RFX3: variants seen among roughly 807,000 people sequenced by gnomAD.
The protein encoded by RFX3 is regulatory factor X3, also known as transcription factor RFX3.
In RFX3, 14 loss-of-function variants were observed where a neutral mutation model predicts 98.6. That is an observed-to-expected ratio of 0.14 (90% CI 0.09 to 0.22). The LOEUF is 0.22. RFX3 is among the 10% of genes least tolerant of loss of function. The probability of loss-of-function intolerance (pLI) is 1.00; values close to 1 mark genes in which losing one functional copy is unlikely to be tolerated. For synonymous variants in RFX3, 383 were observed against 328.4 expected (o/e 1.17, Z -1.80); for missense variants, 639 against 926.9 (o/e 0.69, Z 4.03).
At chr9:3,498,333 G>A (rs972575135) in intron 1 of RFX3, among the ~76,000 whole-genome samples, 10 of 151,962 alleles carry the variant, frequency 6.6e-5, no homozygotes, top group Non-Finnish European at 1.3e-4. Flanking sequence ...TGTTGTTCAT[G>A]TACAGTTCAA....
At chr9:3,405,442 A>G (rs1479962971) in intron 1 of RFX3, among the ~76,000 whole-genome samples, 2 of 152,202 alleles carry the variant, frequency 1.3e-5, no homozygotes, top group Non-Finnish European at 2.9e-5. Context: ...TATCATCATT[A>G]CAAGTCCACC....
intron 1 of RFX3, among the ~76,000 whole-genome samples, chr9:3,418,627 G>C (rs1282909453): frequency 6.6e-6 from 1 of 152,130 alleles, no homozygotes; most frequent in Non-Finnish European, 1.5e-5. Flanking sequence ...CGATCCGTCT[G>C]CCTTGGCCTC....
rs372541856 is a variant in RFX3, at chr9:3,417,647, A to T, written c.-8-22051T>A. ...CATACTATCATCTGTGAGATGCAGA[A>T]CCCCCTCAATAAATTTGGGTGAAGA... On this transcript the variant is annotated intron_variant, in intron 1 of 16. Coordinates refer to ENST00000617270, the MANE Select transcript of RFX3 (RefSeq NM_001282116.2). 5.9e-5 allele frequency among the ~76,000 whole-genome samples: 9 copies of T among 152,284 alleles called. No individual in the cohort carries two copies. The South Asian group carries it at 1.9e-3, about 32-fold the overall frequency.
chr9:3,438,904 C>A (rs1170325001), intron 1 of RFX3, among the ~76,000 whole-genome samples: 1 of 151,766 alleles, frequency 6.6e-6, no homozygotes. Context: ...CTGACAGAAA[C>A]CAAGATTTAT....
chr9:3,221,830 G>T lies in RFX3; in HGVS notation c.*3212C>A, dbSNP rs1240961935. The T allele has an allele frequency of 6.6e-6, 1 of 152,124 alleles. No homozygotes were observed. The highest frequency in any genetic ancestry group is 2.4e-5 in the African/African-American group (1 of 41,418). The allele number at this position is 152,124 out of a possible 1,614,324, so 9.4% of individuals were successfully genotyped here. A position where few individuals can be genotyped will look rare whatever the true frequency, so the allele number is the denominator to read the frequency against. ...TATGAAAATATCTTTTCTGAAACTTGAAAACAGTCAACATACCTTCCTTAC... is the reference window on the plus strand; with the variant it reads ...TATGAAAATATCTTTTCTGAAACTTTAAAACAGTCAACATACCTTCCTTAC... On this transcript the variant is annotated 3_prime_UTR_variant, in exon 17 of 17. Coordinates refer to ENST00000617270, the MANE Select transcript of RFX3 (RefSeq NM_001282116.2).
At chr9:3,446,649 C>G (rs1846080895) in intron 1 of RFX3, among the ~76,000 whole-genome samples, 1 of 151,038 alleles carries the variant, frequency 6.6e-6, no homozygotes, top group Non-Finnish European at 1.5e-5. Context: ...ATTTCAGACT[C>G]CTTTCCTTCT....
chr9:3,280,237 G>C (rs1438777719), intron 7 of RFX3, among the ~76,000 whole-genome samples: 1 of 151,772 alleles, frequency 6.6e-6, no homozygotes, highest in Non-Finnish European at 1.5e-5. Context: ...CAAAGTTTAG[G>C]ATGGGTTTGT....
At chr9:3,512,058 T>C (rs1817709986) in intron 1 of RFX3, among the ~76,000 whole-genome samples, 1 of 152,016 alleles carries the variant, frequency 6.6e-6, no homozygotes, top group Non-Finnish European at 1.5e-5. Context: ...AAATATCCCT[T>C]AAATATATAC....
intron 4 of RFX3, among the ~76,000 whole-genome samples, chr9:3,318,431 T>C (rs1471781171): frequency 6.6e-6 from 1 of 151,630 alleles, no homozygotes; most frequent in Admixed American, 6.6e-5. Flanking sequence ...AAATGACGAG[T>C]TAACGGGTGC....
intron 3 of RFX3, among the ~76,000 whole-genome samples, chr9:3,342,037 T>C (rs1306862078): frequency 6.6e-6 from 1 of 152,190 alleles, no homozygotes; most frequent in African/African-American, 2.4e-5. Flanking sequence ...AGGTTCCTTA[T>C]TAATCTTTTA....
chr9:3,234,848 G>C (rs1818924774), intron 15 of RFX3, among the ~76,000 whole-genome samples: 1 of 152,154 alleles, frequency 6.6e-6, no homozygotes, highest in Admixed American at 6.5e-5. Context: ...CTTTCAGAAA[G>C]GTATATAAGG....
intron 5 of RFX3, among the ~76,000 whole-genome samples, chr9:3,300,440 G>A (rs1054303760): frequency 6.6e-6 from 1 of 151,320 alleles, no homozygotes; most frequent in African/African-American, 2.4e-5. Context: ...AACATAAGGA[G>A]GTAATTAGTG....
intron 2 of RFX3, among the ~76,000 whole-genome samples, chr9:3,389,243 G>A (rs1840035831): frequency 6.6e-6 from 1 of 152,098 alleles, no homozygotes; most frequent in South Asian, 2.1e-4. Context: ...GCAGGGGTTA[G>A]ACGACCTCCT....
chr9:3,280,811 T>C (rs1176507874), intron 7 of RFX3, among the ~76,000 whole-genome samples: 3 of 151,762 alleles, frequency 2.0e-5, no homozygotes, highest in Non-Finnish European at 4.4e-5. Context: ...ATTTCTTAAG[T>C]AGGTAGTACA....
chr9:3,427,033 A>T (rs1231533231), intron 1 of RFX3, among the ~76,000 whole-genome samples: 1 of 151,794 alleles, frequency 6.6e-6, no homozygotes, highest in African/African-American at 2.4e-5. Flanking sequence ...TTTACTCATT[A>T]AGACCACAAT....
At chr9:3,437,721 G>A (rs1445474824) in intron 1 of RFX3, among the ~76,000 whole-genome samples, 1 of 151,990 alleles carries the variant, frequency 6.6e-6, no homozygotes, top group East Asian at 1.9e-4. Context: ...ACCTCATTAA[G>A]TAACCACTGC....
In RFX3 at chr9:3,396,270, T is replaced by C. The variant is rs1250802571; in HGVS notation, c.-8-674A>G. Among the ~76,000 whole-genome samples the C allele has an allele frequency of 4.6e-5, 7 of 151,912 alleles. No individual in the cohort carries two copies. In the East Asian group the frequency reaches 1.4e-3, roughly 30 times the overall value. ...GTGTTCTCATTGTTCAATTCCCACCTATGAGTGAGAACATGCGGTGTTTGG... is the reference window on the plus strand; with the variant it reads ...GTGTTCTCATTGTTCAATTCCCACCCATGAGTGAGAACATGCGGTGTTTGG... On this transcript the variant is annotated intron_variant, in intron 1 of 16. Coordinates refer to ENST00000617270, the MANE Select transcript of RFX3 (RefSeq NM_001282116.2).
intron 1 of RFX3, among the ~76,000 whole-genome samples, chr9:3,405,170 G>C (rs903745233): frequency 6.6e-6 from 1 of 151,538 alleles, no homozygotes; most frequent in Non-Finnish European, 1.5e-5. Context: ...CTTTCTGTTT[G>C]CCTCAGAAGT....
At chr9:3,270,307 TC>T in intron 11 of RFX3, 63 bp downstream of exon 11, 1 of 1,503,918 alleles carries the variant, frequency 6.6e-7, no homozygotes, top group Non-Finnish European at 9.0e-7. Flanking sequence ...ATGTCACTTC[TC>T]AAAACTTCCT....
Sources: allele counts gnomAD v4.1 joint callset (sites outside exome capture counted in the v4.1 genomes callset), GRCh38; gene constraint gnomAD v4.1.1; transcripts MANE v1.5; gene names NCBI Gene and HGNC (gene_info 2026-07-23, HGNC 2026-07-21).